Variants in GATA6 observed in about 807,000 individuals in gnomAD.
GATA6 encodes the protein GATA binding protein 6.
GATA6 carries 11 observed loss-of-function variants against 48.1 expected under a neutral mutation model. The observed-to-expected ratio is 0.23, with a 90% confidence interval of 0.14 to 0.38. The LOEUF (loss-of-function observed/expected upper bound fraction) is 0.38, where lower values mean the gene tolerates loss of function less well. Among genes scored for constraint, GATA6 ranks in the 10% least tolerant of loss-of-function variants. The pLI is 1.00. For missense variants in GATA6, 795 were observed against 850.3 expected, an observed-to-expected ratio of 0.93 and a Z score of 0.81; for synonymous variants, 419 against 396.1, an observed-to-expected ratio of 1.06 and a Z score of -0.69.
Position 22,177,017 on chromosome 18 carries a change from C to A in GATA6, c.1198C>A (p.Leu400Met). 2 of 1,578,268 alleles carry A rather than the reference C, an allele frequency of 1.3e-6. No homozygotes were observed. The highest frequency in any genetic ancestry group is 1.7e-6 in the Non-Finnish European group (2 of 1,164,136). Residue 400 changes from leucine (L) to methionine (M), a missense_variant, in exon 3 of 7, where the codon CTG becomes ATG. By Grantham distance (15) the Leu-to-Met change is conservative. Around this residue, in one of 5 missense-constraint regions of GATA6, gnomAD observed 76 missense variants for 113.1 expected, o/e 0.67. Coordinates refer to ENST00000269216, the MANE Select transcript of GATA6 (RefSeq NM_005257.6). ...GAACTGCGGCTCCATCCAGACGCCG[C>A]TGTGGCGGCGGGACGGCACCGGCCA... ...CVNCGSIQTP[L>M]WRRDGTGHYL...
At chr18:22,179,338 A>G (rs1235148303) in intron 3 of GATA6, among the ~76,000 whole-genome samples, 1 of 152,210 alleles carries the variant, frequency 6.6e-6, no homozygotes, top group African/African-American at 2.4e-5. Flanking sequence ...AACTTGCAAT[A>G]CATTGCAAAA....
In GATA6 at chr18:22,177,269, C is replaced by A. The variant is rs767133632; in HGVS notation, c.1302+148C>A. ...CGGTCCCACCCTAGCGGGGACCCAG[C>A]GGTACCATCCTGTCCCGGCTGTTCC... On this transcript the variant is annotated intron_variant, in intron 3 of 6. Coordinates refer to ENST00000269216, the MANE Select transcript of GATA6 (RefSeq NM_005257.6). The A allele has an allele frequency of 3.4e-4, 236 of 686,842 alleles. 3 individuals are homozygous for A. The highest frequency in any genetic ancestry group is 4.2e-4 in the Middle Eastern group (1 of 2,372). The allele number at this position is 686,842 out of a possible 1,614,324, so 42.5% of individuals were successfully genotyped here.
rs1168633916 is a variant in GATA6 at position 22,171,465 on chromosome 18, G to A, written c.321G>A (p.Ser107=). 3 of 1,599,238 alleles carry A rather than the reference G, an allele frequency of 1.9e-6. No individual in the cohort carries two copies. The highest frequency in any genetic ancestry group is 2.7e-5 in the African/African-American group (2 of 74,878). ...PGVAGPGGNL[S]SWEDLLLFTD... ...TCGCGGGCCCCGGGGGCAACCTGTCGAGCTGGGAGGACTTGCTGCTGTTCA... is the reference window on the plus strand; with the variant it reads ...TCGCGGGCCCCGGGGGCAACCTGTCAAGCTGGGAGGACTTGCTGCTGTTCA... The change falls in exon 2 of 7, where the codon TCG becomes TCA. Residue 107 remains serine (S), a synonymous_variant. Coordinates refer to ENST00000269216, the MANE Select transcript of GATA6 (RefSeq NM_005257.6). The surrounding 1 kb of genome is among the most constrained non-coding windows in gnomAD (Gnocchi z 7.1).
chr18:22,171,026 G>GT lies in GATA6; in HGVS notation c.-37-81dup, dbSNP rs1567990564. On this transcript the variant is annotated intron_variant, in intron 1 of 6. Transcript: ENST00000269216. This position sits in a 1 kb window ranked among gnomAD's most constrained non-coding sequence, Gnocchi z 7.1. ...GATCCCATTTGAACTAGAAAAAGGA[G>GT]TGGAGGCGAGGTAGCGTGCAGCCTA... is the stretch of plus-strand genomic sequence containing the variant. 3.7e-6 allele frequency: 3 copies of GT among 807,882 alleles called. No homozygotes were observed. Among genetic ancestry groups the GT allele is most frequent in the Non-Finnish European group, 6.2e-6 (3 of 483,834 alleles). The allele number at this position is 807,882 out of a possible 1,614,324, so 50.0% of individuals were successfully genotyped here. A position where few individuals can be genotyped will look rare whatever the true frequency, so the allele number is the denominator to read the frequency against.
intron 6 of GATA6, among the ~76,000 whole-genome samples, chr18:22,184,518 T>C (rs1388672093): frequency 1.3e-5 from 2 of 152,174 alleles, no homozygotes; most frequent in East Asian, 3.9e-4. Flanking sequence ...TTTTTGAGGC[T>C]GAGTCTTGCT....
chr18:22,193,813 A>G (rs1195983166), intron 6 of GATA6, among the ~76,000 whole-genome samples: 5 of 152,174 alleles, frequency 3.3e-5, no homozygotes, highest in African/African-American at 1.2e-4. Flanking sequence ...TTTCTTCCTC[A>G]AAGGAAATTT....
rs977902076 is a variant in GATA6 at position 22,170,083 on chromosome 18, G to C, written c.-38+401G>C. 6.6e-6 allele frequency among the ~76,000 whole-genome samples: 1 copy of C among 152,186 alleles called. No individual in the cohort carries two copies. The highest frequency in any genetic ancestry group is 1.5e-5 in the Non-Finnish European group (1 of 68,018). ...CAGCCTGGAGGAGGCCAGCCCGGCT[G>C]CATTTCACCTCCCTCCCCCACTCGC... On this transcript the variant is annotated intron_variant, in intron 1 of 6. Coordinates refer to ENST00000269216, the MANE Select transcript of GATA6 (RefSeq NM_005257.6). The surrounding 1 kb of genome is among the most constrained non-coding windows in gnomAD (Gnocchi z 6.7).
At chr18:22,189,532 C>T in intron 6 of GATA6, among the ~76,000 whole-genome samples, 1 of 151,936 alleles carries the variant, frequency 6.6e-6, no homozygotes, top group East Asian at 1.9e-4. Flanking sequence ...AATTATAGTT[C>T]CTGTGAAAGA....
At chr18:22,181,403 A>G in intron 3 of GATA6, 50 bp from the exon 4 acceptor site, 1 of 1,587,206 alleles carries the variant, frequency 6.3e-7, no homozygotes, top group Non-Finnish European at 8.6e-7. Flanking sequence ...TATGTAATAT[A>G]TATATATGTC....
At chr18:22,180,952 G>A (rs1256955413) in intron 3 of GATA6, among the ~76,000 whole-genome samples, 1 of 151,976 alleles carries the variant, frequency 6.6e-6, no homozygotes, top group Non-Finnish European at 1.5e-5. Context: ...GTGGGGGGTG[G>A]GCGGCAGGGA....
At chr18:22,190,424 T>C (rs2033312299) in intron 6 of GATA6, among the ~76,000 whole-genome samples, 1 of 152,228 alleles carries the variant, frequency 6.6e-6, no homozygotes, top group African/African-American at 2.4e-5. Flanking sequence ...GTTTTGGAAC[T>C]TTTCAGAATG....
chr18:22,196,477 G>A (rs7237983), intron 6 of GATA6, among the ~76,000 whole-genome samples: 21,554 of 152,170 alleles, frequency 0.14, 4,991 homozygotes, highest in African/African-American at 0.48. Context: ...GTGGTAGCTC[G>A]TGCCTGTGAT....
At position 22,171,389 on chromosome 18, in the gene GATA6, C is replaced by T; in HGVS notation, c.245C>T (p.Ser82Phe). The T allele has an allele frequency of 1.9e-6, 3 of 1,588,132 alleles. 1 individual carries two copies. The South Asian group carries it at 3.3e-5, about 18-fold the overall frequency. Residue 82 changes from serine (S) to phenylalanine (F), a missense_variant, in exon 2 of 7, where the codon TCC becomes TTC. This residue lies in a region of GATA6 where 591 missense variants were observed against 570.0 expected (regional missense o/e 1.04). Coordinates refer to ENST00000269216, the MANE Select transcript of GATA6 (RefSeq NM_005257.6). This position sits in a 1 kb window ranked among gnomAD's most constrained non-coding sequence, Gnocchi z 7.1. ...GPPARSLLLS[S>F]YASHPFGAPH... ...CCGGCCCGCTCGCTGCTGCTCAGTT[C>T]CTACGCTTCGCATCCCTTCGGGGCT...
intron 6 of GATA6, among the ~76,000 whole-genome samples, chr18:22,198,412 T>A (rs555159395): frequency 6.6e-6 from 1 of 152,274 alleles, no homozygotes; most frequent in Admixed American, 6.5e-5. Context: ...TGGTGACAGA[T>A]CCCTCTGCTG....
chr18:22,193,876 C>CG (rs2033356598), intron 6 of GATA6, among the ~76,000 whole-genome samples: 1 of 152,178 alleles, frequency 6.6e-6, no homozygotes, highest in African/African-American at 2.4e-5. Context: ...GAAAAGGCTA[C>CG]GCCCTTTCAG....
intron 6 of GATA6, among the ~76,000 whole-genome samples, chr18:22,189,951 G>T (rs900980224): frequency 6.6e-6 from 1 of 152,190 alleles, no homozygotes; most frequent in Non-Finnish European, 1.5e-5. Context: ...ATTGAGACGC[G>T]TGGTTTCACG....
At chr18:22,197,079 CTTT>C (rs34814440) in intron 6 of GATA6, among the ~76,000 whole-genome samples, 5 of 133,692 alleles carry the variant, frequency 3.7e-5, no homozygotes, top group African/African-American at 8.5e-5. Flanking sequence ...TTAGCCAATT[CTTT>C]TTTTTTTTTT....
At chr18:22,188,844 C>T (rs146159071) in intron 6 of GATA6, among the ~76,000 whole-genome samples, 2 of 152,266 alleles carry the variant, frequency 1.3e-5, no homozygotes, top group Non-Finnish European at 2.9e-5. Context: ...TTCTCTGCCT[C>T]CAGGGATCCT....
rs1202663626 is a variant in GATA6, at chr18:22,171,203, A to G, written c.59A>G (p.Asp20Gly). The change falls in exon 2 of 7, where the codon GAC becomes GGC. Residue 20 changes from aspartate (D) to glycine (G), a missense_variant. Asp to Gly is a moderately conservative substitution (Grantham distance 94). Around this residue, in one of 5 missense-constraint regions of GATA6, gnomAD observed 591 missense variants for 570.0 expected, o/e 1.04. Coordinates refer to ENST00000269216, the MANE Select transcript of GATA6 (RefSeq NM_005257.6). The surrounding 1 kb of genome is among the most constrained non-coding windows in gnomAD (Gnocchi z 7.1). ...LPKRFGAAGA[D>G]ASDSRAFPAR... is the part of the protein sequence containing the mutation. The stretch of plus-strand genomic sequence containing the variant: ...AAGCGCTTCGGGGCCGCGGGTGCGG[A>G]CGCCAGCGACTCCAGAGCCTTTCCA... The G allele has an allele frequency of 6.3e-7, 1 of 1,599,442 alleles. No homozygotes were observed. Among genetic ancestry groups the G allele is most frequent in the Non-Finnish European group, 8.5e-7 (1 of 1,179,422 alleles).
Sources: allele counts gnomAD v4.1 joint callset (sites outside exome capture counted in the v4.1 genomes callset), GRCh38; gene constraint gnomAD v4.1.1; regional missense constraint gnomAD v4.1.1; non-coding constraint Gnocchi (gnomAD v3.1); transcripts MANE v1.5; gene names NCBI Gene and HGNC (gene_info 2026-07-23, HGNC 2026-07-21).